Variants in PKP4 observed in about 807,000 individuals in gnomAD.
PKP4 encodes the protein plakophilin-4.
A neutral mutation model predicts 145.1 loss-of-function variants in PKP4; 90 were observed. The observed-to-expected ratio is 0.62, with a 90% confidence interval of 0.52 to 0.74. The LOEUF (loss-of-function observed/expected upper bound fraction) is 0.74, where lower values mean the gene tolerates loss of function less well. PKP4 is among the 30% of genes least tolerant of loss of function. The pLI is 0.00. For missense variants in PKP4, 1,340 were observed against 1,482.7 expected (o/e 0.90, Z 1.58); for synonymous variants, 563 against 577.2 (o/e 0.98, Z 0.35).
intron 2 of PKP4, among the ~76,000 whole-genome samples, chr2:158,549,986 G>A (rs773983059): frequency 2.2e-4 from 32 of 147,878 alleles, no homozygotes; most frequent in Non-Finnish European, 4.1e-4. Context: ...TCATAGCAGT[G>A]TCGCTAATGG....
At chr2:158,666,630 T>C (rs2057111504) in intron 16 of PKP4, 67 bp downstream of exon 16, 4 of 1,353,830 alleles carry the variant, frequency 3.0e-6, no homozygotes, top group Non-Finnish European at 3.0e-6. Flanking sequence ...AACTCTTCTT[T>C]TGATTAATAA....
intron 2 of PKP4, among the ~76,000 whole-genome samples, chr2:158,543,265 T>C (rs771277521): frequency 6.6e-6 from 1 of 152,202 alleles, no homozygotes; most frequent in Non-Finnish European, 1.5e-5. Context: ...GTTTTCTGGT[T>C]AGGAATGCTC....
At chr2:158,676,148 C>T (rs1029432686) in intron 19 of PKP4, among the ~76,000 whole-genome samples, 4 of 152,072 alleles carry the variant, frequency 2.6e-5, no homozygotes, top group Non-Finnish European at 1.5e-5. Flanking sequence ...GCCAGGCTTA[C>T]TGGGTTTAAA....
chr2:158,546,676 A>G (rs1418539134), intron 2 of PKP4, among the ~76,000 whole-genome samples: 3 of 152,184 alleles, frequency 2.0e-5, no homozygotes, highest in Non-Finnish European at 4.4e-5. Context: ...ATAAGCATAG[A>G]AAAACAGCAT....
intron 10 of PKP4, among the ~76,000 whole-genome samples, chr2:158,641,847 A>G (rs1320899461): frequency 6.6e-6 from 1 of 152,176 alleles, no homozygotes; most frequent in East Asian, 1.9e-4. Flanking sequence ...ATGTTTGTGT[A>G]TTTGCACATT....
intron 19 of PKP4, among the ~76,000 whole-genome samples, chr2:158,674,825 T>C (rs2057866867): frequency 6.6e-6 from 1 of 152,224 alleles, no homozygotes; most frequent in Non-Finnish European, 1.5e-5. Context: ...CTTTTAAATA[T>C]TATCTATTTT....
chr2:158,675,675 C>T (rs1193352165), intron 19 of PKP4, among the ~76,000 whole-genome samples: 4 of 152,184 alleles, frequency 2.6e-5, no homozygotes, highest in African/African-American at 9.7e-5. Flanking sequence ...TCATTGGAGG[C>T]AGGCGGGTAT....
chr2:158,506,078 A>G lies in PKP4; in HGVS notation c.-5-27102A>G, dbSNP rs938617588. On this transcript the variant is annotated intron_variant, in intron 1 of 21. Coordinates refer to ENST00000389759, the MANE Select transcript of PKP4 (RefSeq NM_003628.6). The stretch of plus-strand genomic sequence containing the variant: ...ATGGTTGTGTAAATATGAAGAAAGT[A>G]CTTTCAAATTAGATGATCAGACTGC... Among the ~76,000 whole-genome samples, 7 of 152,372 alleles carry G rather than the reference A, an allele frequency of 4.6e-5. No individual in the cohort carries two copies. In the South Asian group the frequency reaches 1.0e-3, roughly 23 times the overall value.
intron 1 of PKP4, among the ~76,000 whole-genome samples, chr2:158,489,153 G>A (rs1322513041): frequency 1.3e-5 from 2 of 151,926 alleles, no homozygotes; most frequent in African/African-American, 4.8e-5. Flanking sequence ...ATACAGTAGA[G>A]TCATTTTTTT....
chr2:158,570,639 T>C (rs1055198031), intron 2 of PKP4, among the ~76,000 whole-genome samples: 1 of 152,212 alleles, frequency 6.6e-6, no homozygotes, highest in Admixed American at 6.5e-5. Context: ...CCTGCTGAGA[T>C]ACATAGTCAT....
chr2:158,625,638 A>G (rs1249308644), intron 7 of PKP4, among the ~76,000 whole-genome samples: 1 of 152,196 alleles, frequency 6.6e-6, no homozygotes, highest in Non-Finnish European at 1.5e-5. Flanking sequence ...ATCCTTTTGC[A>G]ATGGATATAA....
At chr2:158,459,181 C>T (rs1294205914) in intron 1 of PKP4, among the ~76,000 whole-genome samples, 1 of 152,038 alleles carries the variant, frequency 6.6e-6, no homozygotes, top group Non-Finnish European at 1.5e-5. Flanking sequence ...CGTTTTGGTG[C>T]CTGTGAAACA....
At chr2:158,614,497 G>T (rs991034066) in intron 4 of PKP4, among the ~76,000 whole-genome samples, 6 of 152,054 alleles carry the variant, frequency 3.9e-5, no homozygotes, top group African/African-American at 1.5e-4. Context: ...CCACATATTT[G>T]GGATTTTATT....
At chr2:158,460,854 G>A (rs1279942413) in intron 1 of PKP4, among the ~76,000 whole-genome samples, 1 of 152,182 alleles carries the variant, frequency 6.6e-6, no homozygotes, top group Non-Finnish European at 1.5e-5. Context: ...TTCCTGCACT[G>A]AAGGGGGAAG....
chr2:158,599,886 C>G (rs1229569258), intron 3 of PKP4, among the ~76,000 whole-genome samples: 2 of 152,104 alleles, frequency 1.3e-5, no homozygotes, highest in East Asian at 3.9e-4. Flanking sequence ...GGATTATGAG[C>G]AGGTAATTTT....
At chr2:158,501,384 C>G (rs899551981) in intron 1 of PKP4, among the ~76,000 whole-genome samples, 1 of 152,216 alleles carries the variant, frequency 6.6e-6, no homozygotes. Flanking sequence ...TTGCTACATG[C>G]CAGGTTGGTT....
At chr2:158,611,227 A>G (rs529410150) in intron 4 of PKP4, among the ~76,000 whole-genome samples, 2 of 152,240 alleles carry the variant, frequency 1.3e-5, no homozygotes, top group Non-Finnish European at 2.9e-5. Flanking sequence ...AACTGATTCT[A>G]TAACTTCACA....
intron 2 of PKP4, among the ~76,000 whole-genome samples, chr2:158,558,556 A>G (rs964807991): frequency 3.3e-5 from 5 of 152,180 alleles, no homozygotes; most frequent in Non-Finnish European, 1.5e-5. Flanking sequence ...TGTAGCCACC[A>G]AGAAATGGTT....
intron 11 of PKP4, among the ~76,000 whole-genome samples, chr2:158,655,817 G>T (rs1023410824): frequency 6.6e-6 from 1 of 152,212 alleles, no homozygotes; most frequent in South Asian, 2.1e-4. Context: ...TGCCACTGTG[G>T]CTGGCTTATG....
Sources: allele counts gnomAD v4.1 joint callset (sites outside exome capture counted in the v4.1 genomes callset), GRCh38; gene constraint gnomAD v4.1.1; transcripts MANE v1.5; gene names NCBI Gene and HGNC (gene_info 2026-07-23, HGNC 2026-07-21).